The following OPCML variants were observed in gnomAD, a reference collection of about 807,000 sequenced individuals.
OPCML encodes the protein opioid binding protein/cell adhesion molecule like.
Under a neutral mutation model 37.8 loss-of-function variants are expected in OPCML, and 13 were observed. The ratio of observed to expected loss-of-function variants is 0.34; its 90% CI spans 0.22 to 0.55. The LOEUF is 0.55. OPCML is among the 20% of genes least tolerant of loss of function. The pLI is 0.91. For missense variants in OPCML, 341 were observed against 435.6 expected (o/e 0.78, Z 1.93); for synonymous variants, 176 against 168.8 (o/e 1.04, Z -0.33).
chr11:132,960,476 G>A (rs7106399), intron 1 of OPCML, among the ~76,000 whole-genome samples: 2,693 of 152,316 alleles, frequency 0.018, 56 homozygotes, highest in African/African-American at 0.056. Flanking sequence ...CAGGGGAACA[G>A]AAACCGGAGG....
chr11:133,487,300 T>A (rs988036360), intron 1 of OPCML, among the ~76,000 whole-genome samples: 1 of 152,272 alleles, frequency 6.6e-6, no homozygotes, highest in South Asian at 2.1e-4. Flanking sequence ...TCTTGCAGCG[T>A]GCTCCCCACT....
chr11:133,215,915 A>G (rs1208425979), intron 1 of OPCML, among the ~76,000 whole-genome samples: 1 of 152,110 alleles, frequency 6.6e-6, no homozygotes, highest in African/African-American at 2.4e-5. Flanking sequence ...CAGTTTACCC[A>G]TTTCCTCAGA....
chr11:132,772,085 C>G (rs1244660556), intron 2 of OPCML: 1 of 152,154 alleles, frequency 6.6e-6, no homozygotes, highest in Non-Finnish European at 1.5e-5. Context: ...TTCTTAGGTC[C>G]AAAATGCCTC....
intron 1 of OPCML, among the ~76,000 whole-genome samples, chr11:133,073,498 T>G (rs1948575773): frequency 6.6e-6 from 1 of 152,236 alleles, no homozygotes; most frequent in African/African-American, 2.4e-5. Context: ...AGCACCATTC[T>G]AATGAGCTGC....
intron 2 of OPCML, among the ~76,000 whole-genome samples, chr11:132,893,671 T>C (rs1437082777): frequency 2.6e-5 from 4 of 152,262 alleles, no homozygotes; most frequent in Non-Finnish European, 4.4e-5. Context: ...GATAGCAATA[T>C]CGCAAAATCT....
chr11:133,084,686 T>G (rs555255405), intron 1 of OPCML, among the ~76,000 whole-genome samples: 6 of 152,304 alleles, frequency 3.9e-5, no homozygotes, highest in Admixed American at 1.3e-4. Context: ...CAAGCCCAGC[T>G]CTCTTGCTCA....
chr11:132,705,490 G>C (rs1215469510), intron 2 of OPCML, among the ~76,000 whole-genome samples: 1 of 152,106 alleles, frequency 6.6e-6, no homozygotes, highest in Non-Finnish European at 1.5e-5. Flanking sequence ...CTACTAAGGT[G>C]GCTGAGGTGG....
At chr11:133,276,240 C>G (rs1365055420) in intron 1 of OPCML, among the ~76,000 whole-genome samples, 2 of 152,054 alleles carry the variant, frequency 1.3e-5, no homozygotes, top group Non-Finnish European at 2.9e-5. Context: ...AAATTTAGAC[C>G]TAAGCATATT....
chr11:133,044,107 G>A (rs899395132), intron 1 of OPCML, among the ~76,000 whole-genome samples: 1 of 152,168 alleles, frequency 6.6e-6, no homozygotes, highest in Non-Finnish European at 1.5e-5. Flanking sequence ...CCACAAGGGA[G>A]CCAGGTCTAA....
intron 1 of OPCML, among the ~76,000 whole-genome samples, chr11:132,967,060 TTAC>T (rs1946231671): frequency 6.6e-6 from 1 of 152,082 alleles, no homozygotes; most frequent in South Asian, 2.1e-4. Flanking sequence ...ACTTTTTTGT[TTAC>T]TACGTGTCAC....
chr11:133,379,573 G>A (rs537304649), intron 1 of OPCML, among the ~76,000 whole-genome samples: 17 of 152,216 alleles, frequency 1.1e-4, no homozygotes, highest in East Asian at 9.7e-4. Flanking sequence ...CTCCTTCTTC[G>A]CCTTGTGGGG....
Position 132,647,926 on chromosome 11 carries a change from C to T in OPCML, c.379+9161G>A, listed in dbSNP as rs548605240. On this transcript the variant is annotated intron_variant, in intron 3 of 7. Transcript: ENST00000524381. ...GCCTATAGAGGAGAAATTTAGTGAACGAAGAGTAAAAGACTTCTTGAGAAG... is the reference window on the plus strand; with the variant it reads ...GCCTATAGAGGAGAAATTTAGTGAATGAAGAGTAAAAGACTTCTTGAGAAG... Among the ~76,000 whole-genome samples, 13 of 152,196 alleles carry T rather than the reference C, an allele frequency of 8.5e-5. No individual in the cohort carries two copies. In the East Asian group the frequency reaches 1.9e-3, roughly 23 times the overall value.
intron 1 of OPCML, among the ~76,000 whole-genome samples, chr11:133,456,218 G>T (rs1394669554): frequency 2.6e-5 from 4 of 152,146 alleles, no homozygotes; most frequent in African/African-American, 9.7e-5. Flanking sequence ...GGAGAACCTG[G>T]GGTGAGACTC....
chr11:133,108,770 T>C (rs967266441), intron 1 of OPCML, among the ~76,000 whole-genome samples: 14 of 151,526 alleles, frequency 9.2e-5, no homozygotes, highest in African/African-American at 2.2e-4. Flanking sequence ...TTGTCTCCCA[T>C]TGTTACCAAA....
intron 1 of OPCML, among the ~76,000 whole-genome samples, chr11:133,202,113 A>G (rs1361319476): frequency 1.3e-5 from 2 of 152,182 alleles, no homozygotes; most frequent in Non-Finnish European, 2.9e-5. Context: ...AAATAGACAA[A>G]GATCCGGGAA....
chr11:132,998,918 T>G (rs1946939191), intron 1 of OPCML, among the ~76,000 whole-genome samples: 1 of 152,162 alleles, frequency 6.6e-6, no homozygotes, highest in Non-Finnish European at 1.5e-5. Context: ...GCTACCCAGT[T>G]TATGGTATTT....
intron 1 of OPCML, chr11:133,420,150 A>G (rs571512103): frequency 3.9e-6 from 2 of 513,810 alleles, no homozygotes; most frequent in African/African-American, 4.4e-5. Flanking sequence ...TGTTATAGTA[A>G]TTAAATATAT....
chr11:132,651,152 T>G (rs1017316326), intron 3 of OPCML, among the ~76,000 whole-genome samples: 6 of 152,164 alleles, frequency 3.9e-5, no homozygotes, highest in Admixed American at 2.0e-4. Flanking sequence ...AAGGTTGACA[T>G]TTTTCTCACA....
At chr11:132,629,282 T>G (rs1939944182) in intron 3 of OPCML, among the ~76,000 whole-genome samples, 1 of 152,148 alleles carries the variant, frequency 6.6e-6, no homozygotes, top group Non-Finnish European at 1.5e-5. Flanking sequence ...CATATCTAAT[T>G]AAAGCAAATC....
Sources: allele counts gnomAD v4.1 joint callset (sites outside exome capture counted in the v4.1 genomes callset), GRCh38; gene constraint gnomAD v4.1.1; transcripts MANE v1.5; gene names NCBI Gene and HGNC (gene_info 2026-07-23, HGNC 2026-07-21).